The following RIMS2 variants were observed in gnomAD, a reference collection of about 807,000 sequenced individuals.
The protein encoded by RIMS2 is regulating synaptic membrane exocytosis 2, also known as regulating synaptic membrane exocytosis protein 2.
RIMS2 carries 59 observed loss-of-function variants against 174.4 expected under a neutral mutation model. The observed-to-expected ratio is 0.34, with a 90% CI of 0.27 to 0.42. RIMS2 has a LOEUF of 0.42. Among genes scored for constraint, RIMS2 ranks in the 10% least tolerant of loss-of-function variants. RIMS2 has a pLI of 1.00. For missense variants in RIMS2, 1,620 were observed against 1,666.3 expected, an observed-to-expected ratio of 0.97 and a Z score of 0.48; for synonymous variants, 606 against 572.5, an observed-to-expected ratio of 1.06 and a Z score of -0.84.
chr8:104,246,514 A>G (rs1330395353), intron 20 of RIMS2, among the ~76,000 whole-genome samples: 1 of 152,204 alleles, frequency 6.6e-6, no homozygotes, highest in Non-Finnish European at 1.5e-5. Flanking sequence ...CATAGAGAAG[A>G]CAAACAATAA....
intron 1 of RIMS2, among the ~76,000 whole-genome samples, chr8:103,542,725 T>C (rs1354086297): frequency 6.6e-6 from 1 of 152,112 alleles, no homozygotes; most frequent in African/African-American, 2.4e-5. Context: ...ACATACACAA[T>C]TCTGTAAATG....
chr8:103,919,752 A>G (rs2077246115), intron 9 of RIMS2, among the ~76,000 whole-genome samples: 1 of 152,194 alleles, frequency 6.6e-6, no homozygotes, highest in Non-Finnish European at 1.5e-5. Context: ...TTTGAATGCC[A>G]TAGCTCTATA....
chr8:104,004,148 A>C (rs1382581617), intron 17 of RIMS2, among the ~76,000 whole-genome samples: 1 of 152,192 alleles, frequency 6.6e-6, no homozygotes, highest in East Asian at 1.9e-4. Flanking sequence ...TCTAGCAGGA[A>C]CAGAGTAAAC....
At chr8:104,169,341 A>ATATAT (rs1563510137) in intron 19 of RIMS2, among the ~76,000 whole-genome samples, 2,568 of 31,964 alleles carry the variant, frequency 0.08, 37 homozygotes, top group East Asian at 0.14. Flanking sequence ...TATATATATA[A>ATATAT]AACAGATTCA....
chr8:103,616,828 T>A (rs1037355270), intron 1 of RIMS2, among the ~76,000 whole-genome samples: 4 of 151,688 alleles, frequency 2.6e-5, no homozygotes, highest in African/African-American at 9.7e-5. Flanking sequence ...AGGTAAAAGA[T>A]CTCTACAATG....
At chr8:103,604,761 A>C (rs949795190) in intron 1 of RIMS2, among the ~76,000 whole-genome samples, 2 of 125,068 alleles carry the variant, frequency 1.6e-5, no homozygotes, top group African/African-American at 6.6e-5. Context: ...CTTTGAAGCA[A>C]GTGTGAATGG....
intron 1 of RIMS2, among the ~76,000 whole-genome samples, chr8:103,608,039 G>C (rs1245782258): frequency 6.7e-6 from 1 of 148,180 alleles, no homozygotes; most frequent in African/African-American, 2.6e-5. Context: ...TTCCGTTGCT[G>C]GTGAGGAACT....
intron 1 of RIMS2, among the ~76,000 whole-genome samples, chr8:103,522,643 TC>T (rs1424181416): frequency 2.0e-5 from 3 of 152,172 alleles, no homozygotes; most frequent in Non-Finnish European, 4.4e-5. Flanking sequence ...TCTGATGGTT[TC>T]CAACTCTTTA....
rs34215707 is a variant in RIMS2 at position 104,096,875 on chromosome 8, CA to C, written c.3334+82273del. ...GAGCGAGACTCCATCCGCCCCCCAC[CA>C]AAAAAAAAAAAAGAAAAAGAAAAAG... On this transcript the variant is annotated intron_variant, in intron 19 of 23. Coordinates refer to ENST00000504942, the Ensembl canonical transcript of RIMS2. Among the ~76,000 whole-genome samples the C allele has an allele frequency of 7.1e-3, 936 of 130,990 alleles. 1 individual carries two copies. The highest frequency in any genetic ancestry group is 8.5e-3 in the Non-Finnish European group (513 of 60,076). The allele number at this position is 130,990 out of a possible 152,430, so 85.9% of individuals were successfully genotyped here.
At chr8:103,623,618 G>T (rs1167602067) in intron 1 of RIMS2, among the ~76,000 whole-genome samples, 1 of 150,712 alleles carries the variant, frequency 6.6e-6, no homozygotes, top group African/African-American at 2.4e-5. Flanking sequence ...CCGAGTAGCT[G>T]GGACTACAGG....
intron 1 of RIMS2, among the ~76,000 whole-genome samples, chr8:103,615,633 A>G (rs1224514656): frequency 6.6e-5 from 10 of 152,092 alleles, no homozygotes; most frequent in Non-Finnish European, 1.0e-4. Flanking sequence ...CACTAGCTAG[A>G]CTAATAAGAA....
intron 19 of RIMS2, among the ~76,000 whole-genome samples, chr8:104,231,356 T>G (rs1444313926): frequency 1.3e-5 from 2 of 150,498 alleles, no homozygotes; most frequent in Admixed American, 1.3e-4. Context: ...ATGAGGTGTT[T>G]TCTTTTTTTA....
intron 3 of RIMS2, among the ~76,000 whole-genome samples, chr8:103,773,399 A>T (rs942539616): frequency 6.6e-6 from 1 of 152,232 alleles, no homozygotes; most frequent in Non-Finnish European, 1.5e-5. Context: ...AGTACAAGAA[A>T]TGTCCTATGT....
chr8:104,161,814 G>A (rs1271761884), intron 19 of RIMS2, among the ~76,000 whole-genome samples: 1 of 152,220 alleles, frequency 6.6e-6, no homozygotes, highest in African/African-American at 2.4e-5. Flanking sequence ...CATTTCCAAG[G>A]TCATTCAGTT....
intron 1 of RIMS2, among the ~76,000 whole-genome samples, chr8:103,596,524 T>C (rs1418288483): frequency 6.6e-6 from 1 of 152,078 alleles, no homozygotes; most frequent in Non-Finnish European, 1.5e-5. Context: ...ATAATATCTT[T>C]GTGTTGGAAA....
chr8:104,170,602 T>C (rs2098826390), intron 19 of RIMS2, among the ~76,000 whole-genome samples: 1 of 152,106 alleles, frequency 6.6e-6, no homozygotes, highest in Non-Finnish European at 1.5e-5. Context: ...TGGTGGTTTT[T>C]TATCCATTCT....
Position 104,079,598 on chromosome 8 carries a change from G to GATATATATAT in RIMS2, c.3334+65018_3334+65027dup, listed in dbSNP as rs5893676. ...TCACATAACTGAAAGGATTAAGCAT[G>GATATATATAT]ATATATATATATATATATATATATA... On this transcript the variant is annotated intron_variant, in intron 19 of 23. Coordinates refer to ENST00000504942, the Ensembl canonical transcript of RIMS2. Among the ~76,000 whole-genome samples, 154 of 50,942 alleles carry GATATATATAT rather than the reference G, an allele frequency of 3.0e-3. 5 individuals carry two copies. Among genetic ancestry groups the GATATATATAT allele is most frequent in the Non-Finnish European group, 4.4e-3 (106 of 24,216 alleles). 33.4% of individuals were successfully genotyped at this position (50,942 alleles called of 152,430 possible). A position where few individuals can be genotyped will look rare whatever the true frequency, so the allele number is the denominator to read the frequency against.
At chr8:103,786,564 C>G (rs188302476) in intron 3 of RIMS2, among the ~76,000 whole-genome samples, 4 of 152,260 alleles carry the variant, frequency 2.6e-5, no homozygotes, top group African/African-American at 9.6e-5. Flanking sequence ...GTTCAGTTTT[C>G]ATGTAGTTGA....
intron 19 of RIMS2, among the ~76,000 whole-genome samples, chr8:104,071,682 C>T (rs755050711): frequency 7.2e-5 from 11 of 152,098 alleles, no homozygotes; most frequent in Admixed American, 1.3e-4. Flanking sequence ...GTGATCTGCC[C>T]GCCTTGGCCT....
Sources: allele counts gnomAD v4.1 joint callset (sites outside exome capture counted in the v4.1 genomes callset), GRCh38; gene constraint gnomAD v4.1.1; transcripts MANE v1.5; gene names NCBI Gene and HGNC (gene_info 2026-07-23, HGNC 2026-07-21).